Variants in PHF20 observed in about 807,000 individuals in gnomAD.
PHF20 encodes PHD finger protein 20.
A neutral mutation model predicts 113.5 loss-of-function variants in PHF20; 23 were observed. That is an observed-to-expected ratio of 0.20 (90% CI 0.15 to 0.29). The LOEUF (loss-of-function observed/expected upper bound fraction) is 0.29. Among genes scored for constraint, PHF20 ranks in the 10% least tolerant of loss-of-function variants. The pLI, the probability that PHF20 is intolerant of heterozygous loss-of-function variation, is 1.00. For synonymous variants in PHF20, 434 were observed against 457.3 expected (o/e 0.95, Z 0.65); for missense variants, 943 against 1,219.6 (o/e 0.77, Z 3.38).
intron 9 of PHF20, among the ~76,000 whole-genome samples, chr20:35,877,993 T>G (rs17093206): frequency 0.049 from 7,403 of 152,314 alleles, 231 homozygotes; most frequent in African/African-American, 0.099. Context: ...TATAATAGTT[T>G]TTGCAAATTA....
intron 2 of PHF20, among the ~76,000 whole-genome samples, chr20:35,818,733 C>G (rs935521199): frequency 6.6e-6 from 1 of 151,924 alleles, no homozygotes; most frequent in African/African-American, 2.4e-5. Flanking sequence ...GACTGAGTCT[C>G]GCTGTGTTGC....
chr20:35,821,924 G>A (rs2042175300), intron 2 of PHF20, among the ~76,000 whole-genome samples: 1 of 152,176 alleles, frequency 6.6e-6, no homozygotes, highest in African/African-American at 2.4e-5. Context: ...ACCAGTAGAT[G>A]GAATTACCAC....
At chr20:35,875,725 A>T (rs2054509813) in intron 9 of PHF20, among the ~76,000 whole-genome samples, 1 of 152,196 alleles carries the variant, frequency 6.6e-6, no homozygotes, top group African/African-American at 2.4e-5. Flanking sequence ...TCAGCAGACT[A>T]AGCTTTTAAT....
At chr20:35,823,263 A>C (rs1362437333) in intron 2 of PHF20, among the ~76,000 whole-genome samples, 3 of 152,010 alleles carry the variant, frequency 2.0e-5, no homozygotes, top group African/African-American at 7.2e-5. Context: ...TTCAGAATAC[A>C]GTTGAGTTTT....
intron 13 of PHF20, among the ~76,000 whole-genome samples, chr20:35,921,595 G>A (rs373214960): frequency 2.6e-5 from 4 of 151,926 alleles, no homozygotes; most frequent in African/African-American, 9.7e-5. Flanking sequence ...GAAGTAGGAT[G>A]ATCACTTGAG....
chr20:35,843,823 C>T (rs1332104237), intron 3 of PHF20, among the ~76,000 whole-genome samples: 1 of 152,076 alleles, frequency 6.6e-6, no homozygotes, highest in Non-Finnish European at 1.5e-5. Context: ...AGTGATCCTC[C>T]CGCCTTGGTC....
intron 4 of PHF20, chr20:35,853,241 G>T (rs1384044649): frequency 2.1e-5 from 3 of 142,680 alleles, no homozygotes; most frequent in Admixed American, 7.0e-5. Flanking sequence ...AAAAAAGAAA[G>T]AAAAAAAAAG....
At chr20:35,845,780 C>CTTTT (rs398061407) in intron 3 of PHF20, among the ~76,000 whole-genome samples, 5 of 135,282 alleles carry the variant, frequency 3.7e-5, no homozygotes, top group Non-Finnish European at 4.8e-5. Context: ...ATTTTTCTTT[C>CTTTT]TTTTTTTTTT....
chr20:35,880,766 G>T (rs1182984327), intron 9 of PHF20, among the ~76,000 whole-genome samples: 3 of 152,038 alleles, frequency 2.0e-5, no homozygotes, highest in African/African-American at 7.2e-5. Context: ...TTCGAGACCA[G>T]CCTGGCCAAC....
chr20:35,859,778 C>A (rs922612861), intron 5 of PHF20, among the ~76,000 whole-genome samples: 1 of 152,202 alleles, frequency 6.6e-6, no homozygotes, highest in African/African-American at 2.4e-5. Context: ...CTCCTGAGTT[C>A]AGGCAATCTG....
chr20:35,926,540 A>T (rs1055609086), intron 13 of PHF20, among the ~76,000 whole-genome samples: 5 of 151,682 alleles, frequency 3.3e-5, no homozygotes, highest in Non-Finnish European at 7.4e-5. Context: ...CGCCCGGCCG[A>T]CAGACTTTCA....
chr20:35,903,462 A>T (rs1407659630), intron 10 of PHF20, among the ~76,000 whole-genome samples: 1 of 151,956 alleles, frequency 6.6e-6, no homozygotes, highest in African/African-American at 2.4e-5. Context: ...CCACTGTTTG[A>T]TCATTTCTGT....
intron 4 of PHF20, 108 bp downstream of exon 4, chr20:35,847,542 AG>A (rs2042645766): frequency 1.4e-6 from 1 of 691,740 alleles, no homozygotes; most frequent in Non-Finnish European, 2.5e-6. Context: ...TTTACTGCCT[AG>A]GTATCCGCTT....
intron 1 of PHF20, among the ~76,000 whole-genome samples, chr20:35,781,363 C>T (rs568593834): frequency 1.3e-4 from 20 of 151,828 alleles, no homozygotes; most frequent in African/African-American, 4.3e-4. Context: ...GGTTGGTCTC[C>T]GCCCGCCTCA....
chr20:35,869,661 G>A, intron 7 of PHF20, 110 bp downstream of exon 7: 1 of 711,512 alleles, frequency 1.4e-6, no homozygotes, highest in South Asian at 1.6e-5. Context: ...TTTGTCTCTG[G>A]TCACATGAGG....
intron 1 of PHF20, among the ~76,000 whole-genome samples, chr20:35,778,277 G>A (rs1363072679): frequency 6.6e-6 from 1 of 152,054 alleles, no homozygotes; most frequent in African/African-American, 2.4e-5. Context: ...TAGAGACAAG[G>A]TTTCACTATG....
At chr20:35,912,927 A>G (rs2055334132) in intron 10 of PHF20, among the ~76,000 whole-genome samples, 1 of 152,248 alleles carries the variant, frequency 6.6e-6, no homozygotes, top group Non-Finnish European at 1.5e-5. Flanking sequence ...GGGCCAGATA[A>G]TAAATACTTT....
intron 13 of PHF20, among the ~76,000 whole-genome samples, chr20:35,924,757 T>C (rs1256041038): frequency 6.6e-6 from 1 of 152,004 alleles, no homozygotes. Flanking sequence ...CACACCTGGC[T>C]AATTTTTTGT....
At chr20:35,942,965 A>G (rs905740405) in intron 17 of PHF20, among the ~76,000 whole-genome samples, 5 of 152,064 alleles carry the variant, frequency 3.3e-5, no homozygotes, top group Admixed American at 1.3e-4. Flanking sequence ...CTGGGACTAC[A>G]GGTGCCCGCC....
Sources: allele counts gnomAD v4.1 joint callset (sites outside exome capture counted in the v4.1 genomes callset), GRCh38; gene constraint gnomAD v4.1.1; transcripts MANE v1.5; gene names NCBI Gene and HGNC (gene_info 2026-07-23, HGNC 2026-07-21).